The following ANXA8 variants were observed in gnomAD, a reference collection of about 807,000 sequenced individuals.
ANXA8 encodes the protein annexin A8.
In ANXA8, 9 loss-of-function variants were observed where a neutral mutation model predicts 26.8. The ratio of observed to expected loss-of-function variants is 0.34; its 90% CI spans 0.20 to 0.59. ANXA8 has a LOEUF of 0.59. Ranked by LOEUF, ANXA8 falls within the 20% of genes least tolerant of loss-of-function variation. The pLI is 0.84. For missense variants in ANXA8, 83 were observed against 238.5 expected, an observed-to-expected ratio of 0.35 and a Z score of 4.29; for synonymous variants, 39 against 94.8, an observed-to-expected ratio of 0.41 and a Z score of 3.42.
the ANXA8 span, among the ~76,000 whole-genome samples, chr10:47,516,585 G>A: frequency 7.2e-6 from 1 of 138,660 alleles, no homozygotes; most frequent in Admixed American, 7.4e-5. Flanking sequence ...ACACAAGACA[G>A]CAGTTACGTG....
the ANXA8 span, chr10:47,496,068 C>T: frequency 6.6e-6 from 1 of 152,108 alleles, no homozygotes; most frequent in South Asian, 2.1e-4. Context: ...TAGAATCTTC[C>T]TGAAGCCGAG....
the ANXA8 span, among the ~76,000 whole-genome samples, chr10:47,585,378 T>C: frequency 7.0e-6 from 1 of 143,356 alleles, no homozygotes; most frequent in South Asian, 2.2e-4. Context: ...GACTCTTACA[T>C]GTTATTTCTT....
At chr10:47,534,740 C>T in the ANXA8 span, among the ~76,000 whole-genome samples, 1 of 101,180 alleles carries the variant, frequency 9.9e-6, no homozygotes, top group Non-Finnish European at 2.0e-5. Context: ...CAGCAACCTC[C>T]ACCTCCCAGA....
At chr10:47,940,757 G>A in the ANXA8 span, among the ~76,000 whole-genome samples, 1 of 145,516 alleles carries the variant, frequency 6.9e-6, no homozygotes, top group African/African-American at 2.7e-5. Context: ...GAATTTGGAG[G>A]GAGGAGGTTG....
Position 47,483,978 on chromosome 10 carries a change from C to T in ANXA8, c.-45G>A. The T allele has an allele frequency of 1.9e-6, 3 of 1,611,708 alleles. No individual in the cohort carries two copies. Among genetic ancestry groups the T allele is most frequent in the Non-Finnish European group, 1.7e-6 (2 of 1,179,852 alleles). On this transcript the variant is annotated 5_prime_UTR_variant, in exon 1 of 12. In the 5' UTR this introduces an upstream ATG that the reference lacks. Transcript: ENST00000585281. The stretch of plus-strand genomic sequence containing the variant: ...CCTTTCCCAGGGAGATGAAGAGACA[C>T]AGGTTGGCCTCTGCTGGGACTCCAC...
the ANXA8 span, among the ~76,000 whole-genome samples, chr10:47,528,007 T>C: frequency 6.9e-6 from 1 of 144,950 alleles, no homozygotes; most frequent in African/African-American, 2.5e-5. Context: ...GAAAGGACCA[T>C]GTGACACTAG....
the ANXA8 span, among the ~76,000 whole-genome samples, chr10:47,627,514 T>C: frequency 6.7e-6 from 1 of 150,008 alleles, no homozygotes; most frequent in Non-Finnish European, 1.5e-5. Flanking sequence ...TTAAATCAGG[T>C]GTGATAAAAT....
chr10:47,468,174 CA>C lies in ANXA8; in HGVS notation c.*672del, dbSNP rs1428503381. On this transcript the variant is annotated 3_prime_UTR_variant, in exon 12 of 12. Coordinates refer to ENST00000585281, the MANE Select transcript of ANXA8 (RefSeq NM_001040084.3). ...CAGGGCAGCTGACCTGGTCAGCCAC[CA>C]GGGGAGCCCACGCCTCTTATAACAC... 1 of 141,798 alleles carries C rather than the reference CA, an allele frequency of 7.1e-6. No homozygotes were observed. Among genetic ancestry groups the C allele is most frequent in the African/African-American group, 2.6e-5 (1 of 37,820 alleles). 8.8% of individuals were successfully genotyped at this position (141,798 alleles called of 1,614,324 possible).
At chr10:47,593,563 T>C in the ANXA8 span, among the ~76,000 whole-genome samples, 1 of 149,628 alleles carries the variant, frequency 6.7e-6, no homozygotes, top group East Asian at 1.9e-4. Context: ...AAGTTTGAGT[T>C]ATACCATCAT....
the ANXA8 span, among the ~76,000 whole-genome samples, chr10:47,950,425 A>G: frequency 1.3e-5 from 2 of 152,156 alleles, no homozygotes; most frequent in Non-Finnish European, 2.9e-5. Context: ...CTTCTACCTA[A>G]ATACAGATTT....
At chr10:47,586,743 C>G in the ANXA8 span, among the ~76,000 whole-genome samples, 3 of 145,928 alleles carry the variant, frequency 2.1e-5, no homozygotes, top group Non-Finnish European at 2.9e-5. Flanking sequence ...GCCTGACATG[C>G]ATTTAGGTTT....
At chr10:47,901,833 G>A in the ANXA8 span, among the ~76,000 whole-genome samples, 42 of 150,928 alleles carry the variant, frequency 2.8e-4, no homozygotes, top group African/African-American at 1.0e-3. Flanking sequence ...AATTGAAGAA[G>A]CCAAGAACAA....
chr10:47,485,496 T>C (rs1840019458), upstream of ANXA8, among the ~76,000 whole-genome samples: 1 of 152,040 alleles, frequency 6.6e-6, no homozygotes, highest in African/African-American at 2.4e-5. Flanking sequence ...ACATTGGCTA[T>C]ACCTGGGCTG....
At chr10:47,639,189 G>A in the ANXA8 span, among the ~76,000 whole-genome samples, 2 of 148,262 alleles carry the variant, frequency 1.3e-5, no homozygotes, top group Non-Finnish European at 3.0e-5. Context: ...GGAGTGCAGT[G>A]GCGCTATCTC....
At chr10:47,694,969 G>C in the ANXA8 span, among the ~76,000 whole-genome samples, 1 of 151,772 alleles carries the variant, frequency 6.6e-6, no homozygotes, top group Non-Finnish European at 1.5e-5. Context: ...GAAGGAGCCA[G>C]GAGGCCAGGG....
the ANXA8 span, among the ~76,000 whole-genome samples, chr10:47,669,924 C>G: frequency 6.6e-6 from 1 of 151,668 alleles, no homozygotes; most frequent in African/African-American, 2.4e-5. Flanking sequence ...TAAGTACATT[C>G]ACAATGTTTT....
At chr10:47,688,590 T>G in the ANXA8 span, among the ~76,000 whole-genome samples, 3 of 151,304 alleles carry the variant, frequency 2.0e-5, no homozygotes, top group Non-Finnish European at 2.9e-5. Flanking sequence ...GCCGGCTAAT[T>G]TTTGTATTTT....
chr10:47,511,194 C>T, the ANXA8 span, among the ~76,000 whole-genome samples: 11 of 139,020 alleles, frequency 7.9e-5, 2 homozygotes, highest in East Asian at 2.9e-3. Flanking sequence ...CTGCCTGCCT[C>T]AGCCTCCCAA....
At chr10:47,654,077 G>A in the ANXA8 span, among the ~76,000 whole-genome samples, 95 of 151,898 alleles carry the variant, frequency 6.3e-4, no homozygotes, top group African/African-American at 2.2e-3. Flanking sequence ...GGTCAGTTCT[G>A]TTGAGAATGC....
Sources: gnomAD v4.1 joint callset for allele counts (sites outside exome capture counted in the v4.1 genomes callset) on GRCh38, gnomAD v4.1.1 for gene constraint, MANE v1.5 for transcripts, NCBI Gene and HGNC (gene_info 2026-07-23, HGNC 2026-07-21) for gene names.